Variants in SNIP1 observed in about 807,000 individuals in gnomAD.
SNIP1 encodes smad nuclear-interacting protein 1.
SNIP1 carries 23 observed loss-of-function variants against 37.4 expected under a neutral mutation model. The ratio of observed to expected loss-of-function variants is 0.61; its 90% CI spans 0.44 to 0.87. The LOEUF is 0.87. Ranked by LOEUF, SNIP1 falls within the 40% of genes least tolerant of loss-of-function variation. SNIP1 has a pLI of 0.00. For missense variants in SNIP1, 459 were observed against 540.4 expected, an observed-to-expected ratio of 0.85 and a Z score of 1.49; for synonymous variants, 174 against 200.0, an observed-to-expected ratio of 0.87 and a Z score of 1.10.
chr1:37,540,461 G>T lies in SNIP1; in HGVS notation c.622C>A (p.Arg208=). The T allele has an allele frequency of 6.2e-7, 1 of 1,614,024 alleles. No homozygotes were observed. Among genetic ancestry groups the T allele is most frequent in the Admixed American group, 1.7e-5 (1 of 60,006 alleles). The change falls in exon 3 of 4, where the codon CGG becomes AGG. Residue 208 remains arginine (R), a synonymous_variant. Transcript: ENST00000296215. This position sits in a 1 kb window ranked among gnomAD's most constrained non-coding sequence, Gnocchi z 5.6. Reference sequence around the variant, plus strand: ...TTTTCTTTGTTGTTGCCACCAGGCCGAGGAACCAACTCCTGAGACTCACTG... The same window carrying T: ...TTTTCTTTGTTGTTGCCACCAGGCCTAGGAACCAACTCCTGAGACTCACTG... The part of the protein sequence containing the change: ...GGSESQELVP[R]PGGNNKEKEV...
rs1279760378 is a variant in SNIP1 at position 37,535,814 on chromosome 1, T to G, written c.*1934A>C. 1 of 146,392 alleles carries G rather than the reference T, an allele frequency of 6.8e-6. No homozygotes were observed. Among genetic ancestry groups the G allele is most frequent in the Non-Finnish European group, 1.5e-5 (1 of 66,412 alleles). The allele number at this position is 146,392 out of a possible 1,614,324, so 9.1% of individuals were successfully genotyped here. On this transcript the variant is annotated 3_prime_UTR_variant, in exon 4 of 4. Transcript: ENST00000296215. ...GTAGAACACATTCTTCAACTTACCT[T>G]TTTTTTTTTTTTCTGAGACAGAGTC... is the stretch of plus-strand genomic sequence containing the variant.
intron 1 of SNIP1, among the ~76,000 whole-genome samples, chr1:37,552,988 C>T (rs1335407309): frequency 6.6e-6 from 1 of 152,182 alleles, no homozygotes. Flanking sequence ...TAATTCCCAA[C>T]CCTTCAAAAA....
chr1:37,551,219 G>A lies in SNIP1; in HGVS notation c.327+1426C>T, dbSNP rs182087066. The stretch of plus-strand genomic sequence containing the variant: ...CAGAAGGCGGAGGTCGCAGTGAGCC[G>A]AGATCGTGCCACTGCACTCCAGCCT... On this transcript the variant is annotated intron_variant, in intron 2 of 3. Transcript: ENST00000296215. 1.1e-3 allele frequency among the ~76,000 whole-genome samples: 153 copies of A among 145,314 alleles called. 4 individuals carry two copies. In the East Asian group the frequency reaches 0.03, roughly 28 times the overall value.
intron 1 of SNIP1, among the ~76,000 whole-genome samples, chr1:37,552,951 A>G (rs1273834507): frequency 2.0e-5 from 3 of 152,210 alleles, no homozygotes; most frequent in Non-Finnish European, 4.4e-5. Flanking sequence ...TGTCTACTGA[A>G]CCTTCTCACT....
chr1:37,547,051 G>C (rs1308218234), intron 2 of SNIP1, among the ~76,000 whole-genome samples: 1 of 152,154 alleles, frequency 6.6e-6, no homozygotes, highest in Non-Finnish European at 1.5e-5. Flanking sequence ...TCTATCTACA[G>C]TCATTTCCTT....
chr1:37,549,613 T>C (rs1189788259), intron 2 of SNIP1, among the ~76,000 whole-genome samples: 2 of 152,174 alleles, frequency 1.3e-5, no homozygotes, highest in African/African-American at 4.8e-5. Context: ...GGTTTCACCA[T>C]GTTGCCCAGG....
intron 2 of SNIP1, chr1:37,548,735 A>G (rs1643269508): frequency 6.7e-6 from 1 of 149,210 alleles, no homozygotes; most frequent in Non-Finnish European, 1.5e-5. Flanking sequence ...CTCCGTCTCA[A>G]AAAAAAAAGA....
intron 2 of SNIP1, among the ~76,000 whole-genome samples, chr1:37,545,888 TAAC>T (rs1253729948): frequency 6.6e-6 from 1 of 151,966 alleles, no homozygotes; most frequent in Non-Finnish European, 1.5e-5. Flanking sequence ...AAACTGAAAA[TAAC>T]AAGTATTGGC....
chr1:37,543,551 G>T (rs1180535411), intron 2 of SNIP1, among the ~76,000 whole-genome samples: 2 of 151,966 alleles, frequency 1.3e-5, no homozygotes, highest in Admixed American at 6.6e-5. Context: ...AATGGGAGGG[G>T]AAAAAAGAGA....
intron 3 of SNIP1, among the ~76,000 whole-genome samples, chr1:37,539,222 G>A (rs115960172): frequency 0.012 from 1,850 of 152,202 alleles, 45 homozygotes; most frequent in African/African-American, 0.043. Context: ...GAATTATCCC[G>A]AATTCCCCCG....
chr1:37,540,080 A>G lies in SNIP1; in HGVS notation c.926+77T>C. 1 of 1,329,376 alleles carries G rather than the reference A, an allele frequency of 7.5e-7. No homozygotes were observed. Among genetic ancestry groups the G allele is most frequent in the Non-Finnish European group, 1.0e-6 (1 of 964,106 alleles). 82.3% of individuals were successfully genotyped at this position (1,329,376 alleles called of 1,614,324 possible). On this transcript the variant is annotated intron_variant, in intron 3 of 3. Coordinates refer to ENST00000296215, the MANE Select transcript of SNIP1 (RefSeq NM_024700.4). This position sits in a 1 kb window ranked among gnomAD's most constrained non-coding sequence, Gnocchi z 5.6. ...GGGTATGGGATTCTTCTGCATAAAC[A>G]TGAACAAAAATCTTAGTAATCCTAA...
At chr1:37,548,950 G>A (rs949157789) in intron 2 of SNIP1, 15 of 152,106 alleles carry the variant, frequency 9.9e-5, no homozygotes, top group African/African-American at 3.4e-4. Flanking sequence ...TAAATCGCCG[G>A]GTCTCGGGTA....
chr1:37,544,319 G>A lies in SNIP1; in HGVS notation c.328-3564C>T, dbSNP rs1389668439. Among the ~76,000 whole-genome samples the A allele has an allele frequency of 6.6e-5, 10 of 151,066 alleles. No individual in the cohort carries two copies. In the East Asian group the frequency reaches 1.4e-3, roughly 21 times the overall value. ...AAATTAGAAGGGCGCGGTGGCAGGCGCCTGTAATCCCAGCTACTTGGGAGG... is the reference window on the plus strand; with the variant it reads ...AAATTAGAAGGGCGCGGTGGCAGGCACCTGTAATCCCAGCTACTTGGGAGG... On this transcript the variant is annotated intron_variant, in intron 2 of 3. Coordinates refer to ENST00000296215, the MANE Select transcript of SNIP1 (RefSeq NM_024700.4).
At position 37,545,124 on chromosome 1, in the gene SNIP1, A is replaced by C. The variant is rs568675560; in HGVS notation, c.328-4369T>G. ...GAACTGCACAAACTGGCCACCGACA[A>C]AATTACCCCCATTTGTGTGACTTCA... On this transcript the variant is annotated intron_variant, in intron 2 of 3. Transcript: ENST00000296215. The C allele has an allele frequency of 9.5e-6, 7 of 739,990 alleles. No homozygotes were observed. The African/African-American group carries it at 1.2e-4, about 13-fold the overall frequency. 45.8% of individuals were successfully genotyped at this position (739,990 alleles called of 1,614,324 possible). A position where few individuals can be genotyped will look rare whatever the true frequency, so the allele number is the denominator to read the frequency against.
Position 37,554,222 on chromosome 1 carries a change from G to A in SNIP1, c.8C>T (p.Ala3Val). Residue 3 changes from alanine (A) to valine (V), a missense_variant, in exon 1 of 4, where the codon GCG becomes GTG. Coordinates refer to ENST00000296215, the MANE Select transcript of SNIP1 (RefSeq NM_024700.4). ...CCCTCGCTCCCGTTCGCTCTTCACC[G>A]CCTTCATTCTGTGATTTTGGCTGGG... MK[A>V]VKSERERGSR... 6.3e-7 allele frequency: 1 copy of A among 1,597,398 alleles called. No individual in the cohort carries two copies. Among genetic ancestry groups the A allele is most frequent in the South Asian group, 1.1e-5 (1 of 89,160 alleles).
rs532304342 is a variant in SNIP1, at chr1:37,535,696, G to C, written c.*2052C>G. On this transcript the variant is annotated 3_prime_UTR_variant, in exon 4 of 4. Transcript: ENST00000296215. ...ACCGTCAGTCTGGATCAAGAGAAAA[G>C]TTCATCCAAACAAACCTACTTTTCA... The C allele has an allele frequency of 6.6e-6, 1 of 152,152 alleles. No homozygotes were observed. Among genetic ancestry groups the C allele is most frequent in the African/African-American group, 2.4e-5 (1 of 41,506 alleles). The allele number at this position is 152,152 out of a possible 1,614,324, so 9.4% of individuals were successfully genotyped here.
In SNIP1 at chr1:37,535,019, T is replaced by C. The variant is rs1483992365; in HGVS notation, c.*2729A>G. 1 of 150,334 alleles carries C rather than the reference T, an allele frequency of 6.7e-6. No homozygotes were observed. The highest frequency in any genetic ancestry group is 1.9e-4 in the East Asian group (1 of 5,144). 9.3% of individuals were successfully genotyped at this position (150,334 alleles called of 1,614,324 possible). ...TCTGGCTTTAGAGGCAGGTAATGTC[T>C]TTTGACACCCTTTCTTCAAAGAAAG... is the stretch of plus-strand genomic sequence containing the variant. On this transcript the variant is annotated 3_prime_UTR_variant, in exon 4 of 4. Coordinates refer to ENST00000296215, the MANE Select transcript of SNIP1 (RefSeq NM_024700.4).
In SNIP1 at chr1:37,540,111, T is replaced by G; in HGVS notation, c.926+46A>C. 1 of 1,479,252 alleles carries G rather than the reference T, an allele frequency of 6.8e-7. No homozygotes were observed. 91.6% of individuals were successfully genotyped at this position (1,479,252 alleles called of 1,614,324 possible). On this transcript the variant is annotated intron_variant, in intron 3 of 3. Transcript: ENST00000296215. The surrounding 1 kb of genome is among the most constrained non-coding windows in gnomAD (Gnocchi z 5.6). ...AAAAATCTTAGTAATCCTAACTGAG[T>G]GATTGTTTCTGCTCACATTACAGTT...
rs528484966 is a variant in SNIP1 at position 37,545,082 on chromosome 1, G to A, written c.328-4327C>T. ...CATGCATTACATTTGGAAAAACTTG[G>A]GAATCAGTCACTACTGGAACTGCAC... On this transcript the variant is annotated intron_variant, in intron 2 of 3. Coordinates refer to ENST00000296215, the MANE Select transcript of SNIP1 (RefSeq NM_024700.4). The A allele has an allele frequency of 9.7e-4, 727 of 747,254 alleles. 4 individuals carry two copies. Among genetic ancestry groups the A allele is most frequent in the Middle Eastern group, 6.3e-3 (17 of 2,692 alleles). The allele number at this position is 747,254 out of a possible 1,614,324, so 46.3% of individuals were successfully genotyped here. A position where few individuals can be genotyped will look rare whatever the true frequency, so the allele number is the denominator to read the frequency against.
Sources: gnomAD v4.1 joint callset for allele counts (sites outside exome capture counted in the v4.1 genomes callset) on GRCh38, gnomAD v4.1.1 for gene constraint, Gnocchi (gnomAD v3.1) non-coding constraint, MANE v1.5 for transcripts, NCBI Gene and HGNC (gene_info 2026-07-23, HGNC 2026-07-21) for gene names.